TPD52: variants seen among roughly 807,000 people sequenced by gnomAD.
TPD52 encodes the protein tumor protein D52, also known as prostate and colon associated protein.
A neutral mutation model predicts 31.3 loss-of-function variants in TPD52; 17 were observed. The ratio of observed to expected loss-of-function variants is 0.54; its 90% CI spans 0.37 to 0.82. The LOEUF (loss-of-function observed/expected upper bound fraction) is 0.82. Ranked by LOEUF, TPD52 falls within the 40% of genes least tolerant of loss-of-function variation. TPD52 has a pLI of 0.00. For synonymous variants in TPD52, 83 were observed against 89.6 expected, an observed-to-expected ratio of 0.93 and a Z score of 0.42; for missense variants, 212 against 240.1, an observed-to-expected ratio of 0.88 and a Z score of 0.77.
At chr8:80,046,431 G>A (rs1810855952) in intron 5 of TPD52, among the ~76,000 whole-genome samples, 1 of 152,038 alleles carries the variant, frequency 6.6e-6, no homozygotes, top group African/African-American at 2.4e-5. Context: ...CAATTTTGTT[G>A]GTAACTAGTT....
intron 1 of TPD52, among the ~76,000 whole-genome samples, chr8:80,161,199 T>A (rs1811341555): frequency 2.0e-5 from 3 of 152,256 alleles, no homozygotes; most frequent in Admixed American, 1.3e-4. Context: ...CAACACCGTC[T>A]CTTCTACCTA....
intron 2 of TPD52, among the ~76,000 whole-genome samples, chr8:80,054,013 T>A (rs963662546): frequency 1.3e-5 from 2 of 152,114 alleles, no homozygotes; most frequent in African/African-American, 4.8e-5. Flanking sequence ...CCTCAGGAGA[T>A]CCCTGCTCTC....
intron 1 of TPD52, among the ~76,000 whole-genome samples, chr8:80,160,169 T>A (rs1305315442): frequency 6.7e-6 from 1 of 149,338 alleles, no homozygotes; most frequent in African/African-American, 2.5e-5. Flanking sequence ...CCAGCCTGGG[T>A]GACAGAGCAA....
intron 2 of TPD52, among the ~76,000 whole-genome samples, chr8:80,057,384 CAT>C (rs1312103332): frequency 6.6e-6 from 1 of 152,188 alleles, no homozygotes; most frequent in East Asian, 1.9e-4. Flanking sequence ...CACCTGCACT[CAT>C]ATGTTTATTG....
chr8:80,056,960 G>C (rs1021005758), intron 2 of TPD52, among the ~76,000 whole-genome samples: 1 of 152,162 alleles, frequency 6.6e-6, no homozygotes, highest in Admixed American at 6.5e-5. Flanking sequence ...CTTGAGGTCA[G>C]GGGTTTGAGA....
At chr8:80,068,852 C>T (rs1813446258) in intron 1 of TPD52, among the ~76,000 whole-genome samples, 1 of 152,212 alleles carries the variant, frequency 6.6e-6, no homozygotes, top group Admixed American at 6.5e-5. Context: ...TTGAGATGCA[C>T]TGTACAATTA....
At chr8:80,160,859 C>T (rs954556484) in intron 1 of TPD52, among the ~76,000 whole-genome samples, 16 of 119,062 alleles carry the variant, frequency 1.3e-4, no homozygotes, top group Non-Finnish European at 2.2e-4. Flanking sequence ...GCCTGGGAAA[C>T]GAGGCAAAAC....
chr8:80,095,275 A>G (rs1387294673), intron 1 of TPD52, among the ~76,000 whole-genome samples: 3 of 152,222 alleles, frequency 2.0e-5, no homozygotes, highest in Admixed American at 2.0e-4. Context: ...TGAAAAGCCA[A>G]AATACTGTAA....
chr8:80,059,625 G>A (rs1286836584), intron 2 of TPD52, among the ~76,000 whole-genome samples: 2 of 152,180 alleles, frequency 1.3e-5, no homozygotes, highest in South Asian at 2.1e-4. Flanking sequence ...AGGCCAAGGC[G>A]GGCAGATCAC....
chr8:80,064,300 G>A (rs1812874617), intron 2 of TPD52, among the ~76,000 whole-genome samples, 178 bp downstream of exon 2: 2 of 151,868 alleles, frequency 1.3e-5, no homozygotes, highest in African/African-American at 2.4e-5. Flanking sequence ...ATATAAAAAC[G>A]AACCGATGTC....
chr8:80,086,698 T>A (rs1200080316), intron 1 of TPD52, among the ~76,000 whole-genome samples: 2 of 151,316 alleles, frequency 1.3e-5, no homozygotes, highest in South Asian at 4.2e-4. Flanking sequence ...ATATGGTGAA[T>A]CCCCGTCTCT....
intron 2 of TPD52, among the ~76,000 whole-genome samples, chr8:80,063,506 T>C (rs1037135821): frequency 6.6e-6 from 1 of 152,186 alleles, no homozygotes; most frequent in Non-Finnish European, 1.5e-5. Flanking sequence ...GAATGTTACA[T>C]GTTACTGAAT....
intron 4 of TPD52, 69 bp downstream of exon 4, chr8:80,051,458 C>T: frequency 1.4e-6 from 2 of 1,457,964 alleles, no homozygotes; most frequent in South Asian, 2.3e-5. Context: ...GGTCAGGAAA[C>T]AGATGCAACA....
intron 1 of TPD52, among the ~76,000 whole-genome samples, chr8:80,086,441 G>A (rs1815777999): frequency 6.6e-6 from 1 of 151,934 alleles, no homozygotes; most frequent in African/African-American, 2.4e-5. Flanking sequence ...TTTAAAAGAG[G>A]AGGGGCTGCA....
rs202214281 is a variant in TPD52 at position 80,042,647 on chromosome 8, T to C, written c.477A>G (p.Ser159=). 30 of 1,611,668 alleles carry C rather than the reference T, an allele frequency of 1.9e-5. No homozygotes were observed. Among genetic ancestry groups the C allele is most frequent in the Non-Finnish European group, 2.2e-5 (26 of 1,178,898 alleles). The change falls in exon 7 of 8, where the codon TCA becomes TCG. Residue 159 remains serine (S), a synonymous_variant. Transcript: ENST00000518937. The part of the protein sequence containing the change: ...PAMRNSPTFK[S]FEEKVENLKS... ...TTAAGTTTTCGACCTTTTCTTCAAATGATTTAAAAGTTGGGGAGTTTCTAT... is the reference window on the plus strand; with the variant it reads ...TTAAGTTTTCGACCTTTTCTTCAAACGATTTAAAAGTTGGGGAGTTTCTAT...
At chr8:80,034,302 G>C (rs1288095778), downstream of TPD52, among the ~76,000 whole-genome samples, 3 of 152,036 alleles carry the variant, frequency 2.0e-5, no homozygotes, top group African/African-American at 7.2e-5. Context: ...TGGAGCTGCA[G>C]CTGGGTGGCT....
chr8:80,080,087 C>T (rs775839218), intron 1 of TPD52, among the ~76,000 whole-genome samples: 13 of 152,160 alleles, frequency 8.5e-5, no homozygotes, highest in Non-Finnish European at 1.8e-4. Context: ...GTCTAGTGAT[C>T]GCATAAATAG....
intron 1 of TPD52, among the ~76,000 whole-genome samples, chr8:80,100,589 C>T (rs578238559): frequency 2.9e-4 from 44 of 152,310 alleles, no homozygotes; most frequent in Admixed American, 1.8e-3. Context: ...TTCCAGTCAC[C>T]TAGCTAGCCA....
intron 1 of TPD52, among the ~76,000 whole-genome samples, chr8:80,108,836 C>G (rs1807309788): frequency 6.6e-6 from 1 of 152,222 alleles, no homozygotes; most frequent in Admixed American, 6.5e-5. Context: ...TTTAAGCTAT[C>G]TACTGCTTGC....
Sources: allele counts gnomAD v4.1 joint callset (sites outside exome capture counted in the v4.1 genomes callset), GRCh38; gene constraint gnomAD v4.1.1; transcripts MANE v1.5; gene names NCBI Gene and HGNC (gene_info 2026-07-23, HGNC 2026-07-21).